The following DROSHA variants were observed in gnomAD, a reference collection of about 807,000 sequenced individuals.
The protein encoded by DROSHA is drosha ribonuclease III.
A neutral mutation model predicts 181.9 loss-of-function variants in DROSHA; 56 were observed. That is an observed-to-expected ratio of 0.31 (90% CI 0.25 to 0.38). The LOEUF is 0.38. Among genes scored for constraint, DROSHA ranks in the 10% least tolerant of loss-of-function variants. The pLI is 1.00. For synonymous variants in DROSHA, 524 were observed against 591.2 expected, an observed-to-expected ratio of 0.89 and a Z score of 1.65; for missense variants, 1,218 against 1,743.5, an observed-to-expected ratio of 0.70 and a Z score of 5.37.
intron 9 of DROSHA, among the ~76,000 whole-genome samples, chr5:31,509,793 A>T (rs1189186466): frequency 6.6e-6 from 1 of 152,240 alleles, no homozygotes; most frequent in African/African-American, 2.4e-5. Flanking sequence ...CAAAAAGACA[A>T]ATACTACATG....
intron 20 of DROSHA, among the ~76,000 whole-genome samples, chr5:31,456,455 C>A (rs2150019203): frequency 7.9e-6 from 1 of 126,156 alleles, no homozygotes; most frequent in African/African-American, 2.9e-5. Flanking sequence ...TACTAAAAGA[C>A]AACAAGATAC....
intron 13 of DROSHA, among the ~76,000 whole-genome samples, chr5:31,492,895 A>G (rs1752577127): frequency 2.0e-5 from 3 of 152,256 alleles, no homozygotes; most frequent in African/African-American, 7.2e-5. Context: ...AAGGACAACC[A>G]ACCCAAAATA....
At chr5:31,445,951 A>G (rs1746193220) in intron 23 of DROSHA, among the ~76,000 whole-genome samples, 2 of 152,216 alleles carry the variant, frequency 1.3e-5, no homozygotes, top group African/African-American at 4.8e-5. Flanking sequence ...AAATGAAATT[A>G]AAAGGATTAC....
intron 16 of DROSHA, among the ~76,000 whole-genome samples, chr5:31,478,786 C>T (rs1169099014): frequency 6.6e-6 from 1 of 152,198 alleles, no homozygotes; most frequent in Non-Finnish European, 1.5e-5. Context: ...AAAAAGAGTA[C>T]TTTCTGTTGG....
chr5:31,492,985 C>T (rs796134674), intron 13 of DROSHA, among the ~76,000 whole-genome samples: 2 of 152,320 alleles, frequency 1.3e-5, no homozygotes, highest in African/African-American at 4.8e-5. Flanking sequence ...CACTTGTTTA[C>T]TTACACCATT....
intron 10 of DROSHA, among the ~76,000 whole-genome samples, chr5:31,506,244 C>T (rs1737923672): frequency 6.6e-6 from 1 of 151,938 alleles, no homozygotes; most frequent in African/African-American, 2.4e-5. Context: ...CGCCTGTAAT[C>T]CCAGCTACTC....
intron 20 of DROSHA, among the ~76,000 whole-genome samples, chr5:31,460,501 G>A (rs564730579): frequency 4.6e-5 from 7 of 152,244 alleles, no homozygotes; most frequent in African/African-American, 1.7e-4. Flanking sequence ...TTCGTCTCCT[G>A]CAGAAACCAG....
intron 30 of DROSHA, among the ~76,000 whole-genome samples, chr5:31,420,029 A>G (rs1742479864): frequency 1.3e-5 from 2 of 152,236 alleles, no homozygotes; most frequent in Non-Finnish European, 2.9e-5. Flanking sequence ...GGAACTCAAG[A>G]GATACTCATC....
intron 18 of DROSHA, 56 bp downstream of exon 18, chr5:31,467,883 T>A: frequency 6.3e-7 from 1 of 1,589,718 alleles, no homozygotes; most frequent in Non-Finnish European, 8.6e-7. Context: ...TCTCTGCTAA[T>A]TTGGCTGTTA....
intron 5 of DROSHA, among the ~76,000 whole-genome samples, chr5:31,523,852 G>T (rs1740193356): frequency 4.6e-5 from 7 of 151,576 alleles, no homozygotes; most frequent in Admixed American, 4.6e-4. Flanking sequence ...GCAGGTGCCT[G>T]TAATCCCAGC....
intron 16 of DROSHA, 85 bp from the exon 17 acceptor site, chr5:31,472,317 C>T: frequency 7.0e-7 from 1 of 1,423,432 alleles, no homozygotes; most frequent in South Asian, 1.5e-5. Context: ...AGGAAAAAAA[C>T]AAGACAATGG....
At chr5:31,527,334 T>C (rs1361403519) in intron 4 of DROSHA, among the ~76,000 whole-genome samples, 5 of 152,022 alleles carry the variant, frequency 3.3e-5, no homozygotes, top group Admixed American at 1.3e-4. Context: ...CCACCCCCCC[T>C]CTGCAATCCT....
At chr5:31,415,877 C>T (rs531532260) in intron 30 of DROSHA, among the ~76,000 whole-genome samples, 3 of 152,316 alleles carry the variant, frequency 2.0e-5, no homozygotes, top group African/African-American at 7.2e-5. Flanking sequence ...CTTGACCCTA[C>T]TGCATACACC....
intron 20 of DROSHA, among the ~76,000 whole-genome samples, chr5:31,461,773 T>C (rs1748432180): frequency 6.6e-6 from 1 of 152,052 alleles, no homozygotes; most frequent in Admixed American, 6.6e-5. Flanking sequence ...GTTTTTTTTT[T>C]TTTTAAGTTT....
At chr5:31,426,250 C>T (rs1483863177) in intron 27 of DROSHA, among the ~76,000 whole-genome samples, 1 of 151,800 alleles carries the variant, frequency 6.6e-6, no homozygotes, top group Non-Finnish European at 1.5e-5. Context: ...GGGAAATATA[C>T]TGAAAAGATC....
intron 6 of DROSHA, among the ~76,000 whole-genome samples, chr5:31,520,034 T>A (rs13185415): frequency 0.12 from 17,592 of 152,084 alleles, 1,231 homozygotes; most frequent in Middle Eastern, 0.17. Context: ...TACTACAGAA[T>A]GAGCTGAGCT....
intron 23 of DROSHA, among the ~76,000 whole-genome samples, chr5:31,442,938 T>C (rs547417993): frequency 2.5e-4 from 38 of 152,080 alleles, no homozygotes; most frequent in Non-Finnish European, 4.7e-4. Context: ...ATATATTTAA[T>C]ATATATTATT....
At chr5:31,446,595 A>G (rs896454544) in intron 23 of DROSHA, among the ~76,000 whole-genome samples, 2 of 151,872 alleles carry the variant, frequency 1.3e-5, no homozygotes, top group Admixed American at 6.6e-5. Flanking sequence ...GATAAATGGA[A>G]AGACATCCAA....
chr5:31,530,955 ACT>A, intron 2 of DROSHA, 31 bp from the exon 3 acceptor site: 2 of 397,836 alleles, frequency 5.0e-6, no homozygotes, highest in East Asian at 7.1e-5. Context: ...ATAAATGTTT[ACT>A]CTCTCACCAA....
Sources: allele counts gnomAD v4.1 joint callset (sites outside exome capture counted in the v4.1 genomes callset), GRCh38; gene constraint gnomAD v4.1.1; transcripts MANE v1.5; gene names NCBI Gene and HGNC (gene_info 2026-07-23, HGNC 2026-07-21).